Variants in EPHB1 observed in about 807,000 individuals in gnomAD.
The protein encoded by EPHB1 is EPH receptor B1, also known as ephrin type-B receptor 1.
Under a neutral mutation model 94.4 loss-of-function variants are expected in EPHB1, and 30 were observed. That is an observed-to-expected ratio of 0.32 (90% CI 0.24 to 0.43). The LOEUF (loss-of-function observed/expected upper bound fraction) is 0.43. Among genes scored for constraint, EPHB1 ranks in the 20% least tolerant of loss-of-function variants. EPHB1 has a pLI of 1.00. For missense variants in EPHB1, 1,055 were observed against 1,308.3 expected (o/e 0.81, Z 2.99); for synonymous variants, 522 against 489.1 (o/e 1.07, Z -0.89).
chr3:134,900,009 T>C (rs2038169372), intron 1 of EPHB1, among the ~76,000 whole-genome samples: 1 of 152,184 alleles, frequency 6.6e-6, no homozygotes, highest in Non-Finnish European at 1.5e-5. Flanking sequence ...TCTATGGTGA[T>C]TAAACCACTG....
intron 10 of EPHB1, among the ~76,000 whole-genome samples, chr3:135,184,973 G>A (rs1942292268): frequency 6.6e-6 from 1 of 152,260 alleles, no homozygotes; most frequent in Admixed American, 6.5e-5. Flanking sequence ...TGGGTGCAGT[G>A]TGAAACCTGT....
At position 135,112,574 on chromosome 3, in the gene EPHB1, A is replaced by G. The variant is rs543194768; in HGVS notation, c.961+5971A>G. ...CCCACAACAGTCCCCAGTGTGTGAT[A>G]TTCCCCTTCCTGTGTCCATGTGTTC... On this transcript the variant is annotated intron_variant, in intron 4 of 15. Coordinates refer to ENST00000398015, the MANE Select transcript of EPHB1 (RefSeq NM_004441.5). 6.3e-4 allele frequency among the ~76,000 whole-genome samples: 72 copies of G among 113,682 alleles called. 1 individual carries two copies. The highest frequency in any genetic ancestry group is 1.7e-3 in the South Asian group (5 of 2,998). 74.6% of individuals were successfully genotyped at this position (113,682 alleles called of 152,430 possible).
intron 3 of EPHB1, among the ~76,000 whole-genome samples, chr3:135,038,997 C>G (rs1936739145): frequency 6.6e-6 from 1 of 152,164 alleles, no homozygotes; most frequent in Non-Finnish European, 1.5e-5. Context: ...CAAAGGTTCT[C>G]TATGTCCCCA....
intron 3 of EPHB1, among the ~76,000 whole-genome samples, chr3:134,960,835 G>A (rs1279408915): frequency 6.6e-6 from 1 of 152,228 alleles, no homozygotes; most frequent in Non-Finnish European, 1.5e-5. Flanking sequence ...TCATTAGAAA[G>A]GCTGCAGAAT....
intron 3 of EPHB1, among the ~76,000 whole-genome samples, chr3:134,994,357 C>T (rs181703400): frequency 6.6e-5 from 10 of 152,306 alleles, no homozygotes; most frequent in African/African-American, 1.9e-4. Flanking sequence ...CTGCTTTTGA[C>T]CCCTGCCCAG....
intron 1 of EPHB1, among the ~76,000 whole-genome samples, chr3:134,882,787 T>TTTCTTTCTTTCTTTCTTTCTTTC (rs2037775960): frequency 1.3e-4 from 9 of 68,200 alleles, no homozygotes; most frequent in African/African-American, 4.3e-4. Flanking sequence ...TCTTTCTTTC[T>TTTCTTTCTTTCTTTCTTTCTTTC]TTCTTTCTTT....
At chr3:135,070,172 G>A (rs1380307936) in intron 3 of EPHB1, among the ~76,000 whole-genome samples, 9 of 152,162 alleles carry the variant, frequency 5.9e-5, no homozygotes, top group African/African-American at 1.2e-4. Context: ...CACAATCCAC[G>A]TTATCCAACC....
chr3:134,836,509 A>T (rs2036675715), intron 1 of EPHB1, among the ~76,000 whole-genome samples: 1 of 152,216 alleles, frequency 6.6e-6, no homozygotes, highest in South Asian at 2.1e-4. Context: ...AGTATATATG[A>T]CGTGATATAT....
At chr3:134,958,120 A>G (rs1933353045) in intron 3 of EPHB1, among the ~76,000 whole-genome samples, 1 of 152,054 alleles carries the variant, frequency 6.6e-6, no homozygotes. Flanking sequence ...AAGAAAACCT[A>G]CATGTAAATT....
At chr3:135,208,286 A>C (rs1233654294) in intron 12 of EPHB1, among the ~76,000 whole-genome samples, 11 of 122,090 alleles carry the variant, frequency 9.0e-5, no homozygotes, top group Non-Finnish European at 1.8e-4. Flanking sequence ...GAAACCTTTC[A>C]TGACGTGTGT....
chr3:134,923,541 C>T (rs760928458), intron 1 of EPHB1, among the ~76,000 whole-genome samples: 2 of 152,190 alleles, frequency 1.3e-5, no homozygotes, highest in Non-Finnish European at 2.9e-5. Context: ...CCATTGGCCA[C>T]TCCCTCACCT....
chr3:135,204,306 C>A (rs147454988), intron 12 of EPHB1, among the ~76,000 whole-genome samples: 1 of 152,068 alleles, frequency 6.6e-6, no homozygotes, highest in Admixed American at 6.5e-5. Context: ...AGAGTTTAAG[C>A]GATTCTCCTG....
At chr3:134,823,715 C>T (rs1285386777) in intron 1 of EPHB1, 5 of 152,210 alleles carry the variant, frequency 3.3e-5, no homozygotes, top group Admixed American at 2.0e-4. Context: ...GGTAAGTTTT[C>T]CACTCTCCTT....
At chr3:134,824,594 C>T (rs760250914) in intron 1 of EPHB1, among the ~76,000 whole-genome samples, 16 of 152,264 alleles carry the variant, frequency 1.1e-4, no homozygotes, top group Admixed American at 2.0e-4. Flanking sequence ...AACTTTCCTC[C>T]CCTTAAGTAT....
At chr3:135,055,059 C>T (rs1030309713) in intron 3 of EPHB1, among the ~76,000 whole-genome samples, 2 of 152,106 alleles carry the variant, frequency 1.3e-5, no homozygotes, top group South Asian at 4.1e-4. Context: ...TAACTTGTAG[C>T]CTCTTTATCC....
At chr3:135,036,025 C>A (rs1576335012) in intron 3 of EPHB1, among the ~76,000 whole-genome samples, 1 of 152,176 alleles carries the variant, frequency 6.6e-6, no homozygotes, top group Non-Finnish European at 1.5e-5. Context: ...TTTTTCCTTC[C>A]ATCCACTCGT....
At chr3:134,996,661 A>G (rs1935005188) in intron 3 of EPHB1, among the ~76,000 whole-genome samples, 1 of 152,060 alleles carries the variant, frequency 6.6e-6, no homozygotes, top group East Asian at 1.9e-4. Flanking sequence ...AGTATTTCCA[A>G]CAATGATCAT....
Position 135,139,486 on chromosome 3 carries a change from C to T in EPHB1, c.1297+6437C>T, listed in dbSNP as rs544974370. On this transcript the variant is annotated intron_variant, in intron 5 of 15. Coordinates refer to ENST00000398015, the MANE Select transcript of EPHB1 (RefSeq NM_004441.5). ...AGGGGCTCCCATTTATTCGCCTACTCGTCAAATATTTTTCAAGGCCTTTCT... is the reference window on the plus strand; with the variant it reads ...AGGGGCTCCCATTTATTCGCCTACTTGTCAAATATTTTTCAAGGCCTTTCT... 5.9e-5 allele frequency among the ~76,000 whole-genome samples: 9 copies of T among 152,316 alleles called. No individual in the cohort carries two copies. The South Asian group carries it at 6.2e-4, about 11-fold the overall frequency.
At position 135,188,076 on chromosome 3, in the gene EPHB1, G is replaced by A. The variant is rs142886155; in HGVS notation, c.1883-4500G>A. On this transcript the variant is annotated intron_variant, in intron 10 of 15. Transcript: ENST00000398015. The stretch of plus-strand genomic sequence containing the variant: ...TAGATAAAAGTGGTGGCACAAGCCT[G>A]TAATCCCAGCTACTTGGGAGGCTGA... Among the ~76,000 whole-genome samples the A allele has an allele frequency of 6.6e-4, 101 of 152,178 alleles. No homozygotes were observed. The East Asian group carries it at 0.018, about 27-fold the overall frequency.
Sources: allele counts gnomAD v4.1 joint callset (sites outside exome capture counted in the v4.1 genomes callset), GRCh38; gene constraint gnomAD v4.1.1; transcripts MANE v1.5; gene names NCBI Gene and HGNC (gene_info 2026-07-23, HGNC 2026-07-21).